The following ADGRB3 variants were observed in gnomAD, a reference collection of about 807,000 sequenced individuals.
The protein encoded by ADGRB3 is brain-specific angiogenesis inhibitor 3.
ADGRB3 carries 37 observed loss-of-function variants against 193.4 expected under a neutral mutation model. That is an observed-to-expected ratio of 0.19 (90% CI 0.15 to 0.25). The LOEUF (loss-of-function observed/expected upper bound fraction) is 0.25. ADGRB3 is among the 10% of genes least tolerant of loss of function. The pLI, the probability that ADGRB3 is intolerant of heterozygous loss-of-function variation, is 1.00. For missense variants in ADGRB3, 1,637 were observed against 1,852.9 expected (o/e 0.88, Z 2.14); for synonymous variants, 690 against 644.2 (o/e 1.07, Z -1.08).
At chr6:68,673,957 G>A (rs921042819) in intron 3 of ADGRB3, among the ~76,000 whole-genome samples, 5 of 151,958 alleles carry the variant, frequency 3.3e-5, no homozygotes, top group African/African-American at 1.2e-4. Flanking sequence ...CAAAATTATA[G>A]TAAATTTAAG....
At chr6:68,743,511 T>C (rs1369748381) in intron 3 of ADGRB3, among the ~76,000 whole-genome samples, 1 of 152,090 alleles carries the variant, frequency 6.6e-6, no homozygotes, top group Non-Finnish European at 1.5e-5. Context: ...GGCTGAACTT[T>C]CCTTCACTAT....
chr6:68,637,713 A>G (rs769112154), intron 2 of ADGRB3, among the ~76,000 whole-genome samples, 151 bp downstream of exon 2: 11 of 152,194 alleles, frequency 7.2e-5, no homozygotes, highest in Non-Finnish European at 1.6e-4. Flanking sequence ...AATGTATTTT[A>G]TTACCATGTG....
At chr6:68,915,133 C>T (rs1766839080) in intron 3 of ADGRB3, among the ~76,000 whole-genome samples, 1 of 152,052 alleles carries the variant, frequency 6.6e-6, no homozygotes, top group African/African-American at 2.4e-5. Flanking sequence ...ACTATATGTC[C>T]TTATACTTGA....
Position 69,368,019 on chromosome 6 carries a change from C to T in ADGRB3, c.4240-4387C>T, listed in dbSNP as rs932888276. 5.4e-5 allele frequency among the ~76,000 whole-genome samples: 8 copies of T among 148,118 alleles called. No individual in the cohort carries two copies. In the East Asian group the frequency reaches 6.1e-4, roughly 11 times the overall value. ...GTGGGGTGGGGGGAGGGGGGAGGGACAGCATTGGGAGATATACCTAATGCT... is the reference window on the plus strand; with the variant it reads ...GTGGGGTGGGGGGAGGGGGGAGGGATAGCATTGGGAGATATACCTAATGCT... On this transcript the variant is annotated intron_variant, in intron 29 of 31. Coordinates refer to ENST00000370598, the MANE Select transcript of ADGRB3 (RefSeq NM_001704.3).
intron 8 of ADGRB3, among the ~76,000 whole-genome samples, chr6:68,970,511 T>C (rs1195874777): frequency 6.6e-6 from 1 of 152,074 alleles, no homozygotes; most frequent in Non-Finnish European, 1.5e-5. Context: ...GAGATGGGGT[T>C]TCATCAGGCT....
rs1039455213 is a variant in ADGRB3 at position 69,096,811 on chromosome 6, T to C, written c.2480+20773T>C. ...CCTCTTTAAGTGCTTCATTTGATCT[T>C]GGGGAGCAGTTCAGGCATTCAGAGG... On this transcript the variant is annotated intron_variant, in intron 17 of 31. Transcript: ENST00000370598. Among the ~76,000 whole-genome samples, 112 of 152,312 alleles carry C rather than the reference T, an allele frequency of 7.4e-4. 1 individual carries two copies. The highest frequency in any genetic ancestry group is 2.5e-3 in the African/African-American group (103 of 41,556).
intron 15 of ADGRB3, among the ~76,000 whole-genome samples, chr6:69,050,494 T>C (rs981847719): frequency 6.6e-6 from 1 of 152,232 alleles, no homozygotes; most frequent in African/African-American, 2.4e-5. Flanking sequence ...CAAAAAAGTC[T>C]ACTCTCAGCT....
At chr6:69,308,353 C>A (rs1409280640) in intron 20 of ADGRB3, among the ~76,000 whole-genome samples, 1 of 151,352 alleles carries the variant, frequency 6.6e-6, no homozygotes, top group Non-Finnish European at 1.5e-5. Flanking sequence ...CCACAGTTTA[C>A]AAATATCGTT....
At chr6:69,220,997 G>A (rs993772700) in intron 17 of ADGRB3, among the ~76,000 whole-genome samples, 1 of 151,852 alleles carries the variant, frequency 6.6e-6, no homozygotes, top group African/African-American at 2.4e-5. Flanking sequence ...CGGTGGACAA[G>A]CTGTATATTT....
intron 17 of ADGRB3, among the ~76,000 whole-genome samples, chr6:69,116,125 T>A (rs1422963074): frequency 6.6e-6 from 1 of 152,210 alleles, no homozygotes; most frequent in East Asian, 1.9e-4. Context: ...CAGGCAGAAT[T>A]CCTTCTTCAC....
chr6:68,663,148 TA>T (rs1768709870), intron 3 of ADGRB3, among the ~76,000 whole-genome samples: 1 of 151,374 alleles, frequency 6.6e-6, no homozygotes, highest in Non-Finnish European at 1.5e-5. Context: ...TTCATTTTCC[TA>T]AAGTTTCATA....
At chr6:68,966,124 C>T (rs1255480953) in intron 8 of ADGRB3, among the ~76,000 whole-genome samples, 2 of 152,092 alleles carry the variant, frequency 1.3e-5, no homozygotes, top group African/African-American at 4.8e-5. Flanking sequence ...TTCCTGGAAA[C>T]CTGAGTTCTG....
chr6:68,712,571 G>C (rs532940902), intron 3 of ADGRB3, among the ~76,000 whole-genome samples: 1 of 151,840 alleles, frequency 6.6e-6, no homozygotes, highest in Admixed American at 6.6e-5. Flanking sequence ...GTGAAAAAAG[G>C]GACAGAAAAA....
chr6:69,114,284 A>G (rs1294497446), intron 17 of ADGRB3, among the ~76,000 whole-genome samples: 1 of 152,194 alleles, frequency 6.6e-6, no homozygotes, highest in East Asian at 1.9e-4. Context: ...TTTCACTCCA[A>G]ACTCTTGAAA....
chr6:69,206,242 G>T (rs1765538149), intron 17 of ADGRB3, among the ~76,000 whole-genome samples: 1 of 151,658 alleles, frequency 6.6e-6, no homozygotes, highest in South Asian at 2.1e-4. Context: ...AGGCTGGGAA[G>T]CTAGTCCAGT....
intron 17 of ADGRB3, among the ~76,000 whole-genome samples, chr6:69,083,273 A>G (rs1328518350): frequency 6.6e-6 from 1 of 152,146 alleles, no homozygotes; most frequent in African/African-American, 2.4e-5. Flanking sequence ...TTTTGTAGCA[A>G]TTTGATATTT....
chr6:68,676,636 T>A (rs924387239), intron 3 of ADGRB3, among the ~76,000 whole-genome samples: 1 of 152,178 alleles, frequency 6.6e-6, no homozygotes, highest in Admixed American at 6.5e-5. Flanking sequence ...TTCCTAATAT[T>A]TCTATGGTCT....
intron 16 of ADGRB3, among the ~76,000 whole-genome samples, chr6:69,073,589 C>T (rs1008134103): frequency 6.6e-6 from 1 of 152,152 alleles, no homozygotes; most frequent in Admixed American, 6.6e-5. Flanking sequence ...AGTTTCCACC[C>T]CAGGAGAGAA....
At chr6:69,052,050 C>A (rs367850238) in intron 15 of ADGRB3, among the ~76,000 whole-genome samples, 1 of 152,106 alleles carries the variant, frequency 6.6e-6, no homozygotes, top group Non-Finnish European at 1.5e-5. Flanking sequence ...ACCACCACGC[C>A]GGGCTAATTT....
Sources: gnomAD v4.1 joint callset for allele counts (sites outside exome capture counted in the v4.1 genomes callset) on GRCh38, gnomAD v4.1.1 for gene constraint, MANE v1.5 for transcripts, NCBI Gene and HGNC (gene_info 2026-07-23, HGNC 2026-07-21) for gene names.